XRN2: variants seen among roughly 807,000 people sequenced by gnomAD.
The protein encoded by XRN2 is DHM1-like protein.
XRN2 carries 44 observed loss-of-function variants against 138.5 expected under a neutral mutation model. The observed-to-expected ratio is 0.32, with a 90% CI of 0.25 to 0.41. The LOEUF is 0.41. Among genes scored for constraint, XRN2 ranks in the 10% least tolerant of loss-of-function variants. XRN2 has a pLI of 1.00. For synonymous variants in XRN2, 354 were observed against 369.4 expected, an observed-to-expected ratio of 0.96 and a Z score of 0.48; for missense variants, 937 against 1,169.3, an observed-to-expected ratio of 0.80 and a Z score of 2.90.
intron 16 of XRN2, 36 bp from the exon 17 acceptor site, chr20:21,346,379 G>A (rs1323533433): frequency 1.2e-6 from 2 of 1,611,886 alleles, no homozygotes; most frequent in Non-Finnish European, 1.7e-6. Flanking sequence ...CTGAAGGTGT[G>A]TTAATTCAGC....
At chr20:21,310,805 C>T (rs988640783) in intron 1 of XRN2, among the ~76,000 whole-genome samples, 6 of 151,244 alleles carry the variant, frequency 4.0e-5, no homozygotes, top group Admixed American at 4.0e-4. Flanking sequence ...AGTGTAGTGG[C>T]GCGATCTCGG....
Position 21,340,816 on chromosome 20 carries a change from A to G in XRN2, c.1374A>G (p.Arg458=). ...SPGSQVASNP[R]QAAYEMRMQN... Reference sequence around the variant, plus strand: ...GTTCTCAAGTAGCCAGTAATCCGAGACAAGCAGCCTATGAAATGAGGATGC... The same window carrying G: ...GTTCTCAAGTAGCCAGTAATCCGAGGCAAGCAGCCTATGAAATGAGGATGC... The change falls in exon 15 of 30, where the codon AGA becomes AGG. Residue 458 remains arginine, a synonymous_variant. Coordinates refer to ENST00000377191, the MANE Select transcript of XRN2 (RefSeq NM_012255.5). 1 of 1,614,006 alleles carries G rather than the reference A, an allele frequency of 6.2e-7. No individual in the cohort carries two copies. The highest frequency in any genetic ancestry group is 1.3e-5 in the African/African-American group (1 of 75,040).
At chr20:21,352,668 A>G (rs536586400) in intron 20 of XRN2, among the ~76,000 whole-genome samples, 9 of 152,206 alleles carry the variant, frequency 5.9e-5, no homozygotes, top group South Asian at 4.1e-4. Flanking sequence ...GTTTTGGTCA[A>G]TTTGCTTAGT....
At chr20:21,381,865 T>C in intron 27 of XRN2, 129 bp from the exon 28 acceptor site, 1 of 661,030 alleles carries the variant, frequency 1.5e-6, no homozygotes, top group East Asian at 3.0e-5. Context: ...TGTGTTATTA[T>C]GATACTAGTT....
rs1276075446 is a variant in XRN2 at position 21,331,434 on chromosome 20, CA to C, written c.577-126del. On this transcript the variant is annotated intron_variant, in intron 6 of 29. Coordinates refer to ENST00000377191, the MANE Select transcript of XRN2 (RefSeq NM_012255.5). ...ACACACACACACACACACACACACA[CA>C]CACCCTTATTCAGAAAATTTTCCCG... 762 of 736,312 alleles carry C rather than the reference CA, an allele frequency of 1.0e-3. 1 individual carries two copies. Among genetic ancestry groups the C allele is most frequent in the East Asian group, 1.8e-3 (66 of 35,896 alleles). 45.6% of individuals were successfully genotyped at this position (736,312 alleles called of 1,614,324 possible).
intron 13 of XRN2, among the ~76,000 whole-genome samples, chr20:21,337,999 A>G (rs1170494742): frequency 2.0e-5 from 3 of 152,220 alleles, no homozygotes; most frequent in Non-Finnish European, 2.9e-5. Context: ...AGTGGTTTCT[A>G]CATCAGAGGA....
chr20:21,319,035 CTTGTT>C (rs1304072630), intron 1 of XRN2, among the ~76,000 whole-genome samples: 1 of 151,896 alleles, frequency 6.6e-6, no homozygotes. Flanking sequence ...TGCCATATGT[CTTGTT>C]TTGTGTATTT....
chr20:21,326,594 A>ATGGAG lies in XRN2; in HGVS notation c.312_315+1dup, dbSNP rs1308772526. On this transcript the variant is annotated frameshift_variant, in exon 3 of 30. Coordinates refer to ENST00000377191, the MANE Select transcript of XRN2 (RefSeq NM_012255.5). LOFTEE classifies it high-confidence loss of function. ...AGAAGACTTCTCTACATGGCAATAG[A>ATGGAG]TGGAGTGGTAAGTGCTAAAATAATT... is the stretch of plus-strand genomic sequence containing the variant. 6.2e-7 allele frequency: 1 copy of ATGGAG among 1,612,894 alleles called. No individual in the cohort carries two copies. The highest frequency in any genetic ancestry group is 8.5e-7 in the Non-Finnish European group (1 of 1,179,386).
chr20:21,346,698 C>T (rs1261571916), intron 17 of XRN2, 148 bp downstream of exon 17: 11 of 919,562 alleles, frequency 1.2e-5, no homozygotes, highest in Admixed American at 2.8e-5. Context: ...CAACTCACTG[C>T]GACCTCTGCC....
At chr20:21,377,032 C>A (rs2038830172) in intron 27 of XRN2, among the ~76,000 whole-genome samples, 2 of 151,990 alleles carry the variant, frequency 1.3e-5, no homozygotes, top group African/African-American at 4.8e-5. Context: ...TAAAAAAAAC[C>A]TTGGAAAGCT....
At chr20:21,351,912 G>A (rs143948366) in intron 20 of XRN2, among the ~76,000 whole-genome samples, 10 of 152,258 alleles carry the variant, frequency 6.6e-5, no homozygotes, top group Admixed American at 2.0e-4. Context: ...CTAGTCCATT[G>A]AGCTATGTGT....
intron 1 of XRN2, among the ~76,000 whole-genome samples, chr20:21,317,083 T>C (rs1054762579): frequency 6.6e-6 from 1 of 152,306 alleles, no homozygotes; most frequent in African/African-American, 2.4e-5. Context: ...CTAATATCAA[T>C]ACCTTTTCCT....
At chr20:21,324,779 A>T (rs1167296489) in intron 1 of XRN2, among the ~76,000 whole-genome samples, 7 of 152,272 alleles carry the variant, frequency 4.6e-5, no homozygotes, top group African/African-American at 1.7e-4. Flanking sequence ...GACTACCCGC[A>T]CATACCACCA....
chr20:21,332,456 T>A lies in XRN2; in HGVS notation c.858+16T>A, dbSNP rs1172390729. 1 of 1,563,306 alleles carries A rather than the reference T, an allele frequency of 6.4e-7. No homozygotes were observed. The highest frequency in any genetic ancestry group is 2.3e-5 in the East Asian group (1 of 43,718). On this transcript the variant is annotated intron_variant, in intron 9 of 29. Transcript: ENST00000377191. Reference sequence around the variant, plus strand: ...GAAGGGAAAGGTAAGAACTTTGAGATGGTAGTTGCCTCATTAAAAAAAAAA... The same window carrying A: ...GAAGGGAAAGGTAAGAACTTTGAGAAGGTAGTTGCCTCATTAAAAAAAAAA...
intron 15 of XRN2, 37 bp from the exon 16 acceptor site, chr20:21,344,053 T>C: frequency 6.7e-7 from 1 of 1,484,570 alleles, no homozygotes; most frequent in African/African-American, 1.4e-5. Flanking sequence ...AAATGAATAA[T>C]GAAATCCTTC....
chr20:21,365,556 T>A lies in XRN2; in HGVS notation c.2325-17T>A, dbSNP rs1025465999. ...TTTTCATCCCTATTACTAAGTGTTG[T>A]CTTTTTAAATGGTCAGAAAGCCAGC... On this transcript the variant is annotated splice_polypyrimidine_tract_variant and intron_variant, in intron 25 of 29. Transcript: ENST00000377191. 6.2e-7 allele frequency: 1 copy of A among 1,613,518 alleles called. No individual in the cohort carries two copies. Among genetic ancestry groups the A allele is most frequent in the African/African-American group, 1.3e-5 (1 of 74,870 alleles).
At chr20:21,359,315 A>T (rs958021610) in intron 24 of XRN2, among the ~76,000 whole-genome samples, 6 of 152,116 alleles carry the variant, frequency 3.9e-5, no homozygotes, top group Non-Finnish European at 8.8e-5. Context: ...TGGGTGGATC[A>T]TCTGAGATCA....
At chr20:21,365,974 C>T (rs1290244281) in intron 26 of XRN2, among the ~76,000 whole-genome samples, 2 of 98,476 alleles carry the variant, frequency 2.0e-5, no homozygotes, top group African/African-American at 4.0e-5. Flanking sequence ...AGTGAGCCAC[C>T]GTGCCCGGCC....
chr20:21,320,567 G>A (rs539742029), intron 1 of XRN2, among the ~76,000 whole-genome samples: 1 of 150,796 alleles, frequency 6.6e-6, no homozygotes, highest in Admixed American at 6.6e-5. Flanking sequence ...CCAAAGTGCT[G>A]GGATTACAGG....
Sources: allele counts gnomAD v4.1 joint callset (sites outside exome capture counted in the v4.1 genomes callset), GRCh38; gene constraint gnomAD v4.1.1; transcripts MANE v1.5; gene names NCBI Gene and HGNC (gene_info 2026-07-23, HGNC 2026-07-21).